ARSJ: variants seen among roughly 807,000 people sequenced by gnomAD.
The protein encoded by ARSJ is arylsulfatase family member J.
Under a neutral mutation model 35.9 loss-of-function variants are expected in ARSJ, and 26 were observed. The ratio of observed to expected loss-of-function variants is 0.72; its 90% CI spans 0.53 to 1.00. The LOEUF is 1.00. Among genes scored for constraint, ARSJ ranks in the 50% least tolerant of loss-of-function variants. The probability of loss-of-function intolerance (pLI) is 0.00; values close to 1 mark genes in which losing one functional copy is unlikely to be tolerated. For synonymous variants in ARSJ, 294 were observed against 267.6 expected, an observed-to-expected ratio of 1.10 and a Z score of -0.96; for missense variants, 667 against 723.6, an observed-to-expected ratio of 0.92 and a Z score of 0.90.
intron 1 of ARSJ, among the ~76,000 whole-genome samples, chr4:113,928,346 TC>T (rs1724212141): frequency 6.6e-6 from 1 of 152,086 alleles, no homozygotes; most frequent in South Asian, 2.1e-4. Flanking sequence ...GGAACTGGCT[TC>T]CCCTTCATTC....
chr4:113,903,777 G>A (rs2099667882), intron 1 of ARSJ, 102 bp from the exon 2 acceptor site: 1 of 1,409,680 alleles, frequency 7.1e-7, no homozygotes, highest in Non-Finnish European at 9.5e-7. Flanking sequence ...GGGCATCATT[G>A]TTAAATTATA....
Position 113,978,803 on chromosome 4 carries a change from G to C in ARSJ, c.32C>G (p.Pro11Arg), listed in dbSNP as rs768603368. The change falls in exon 1 of 2, where the codon CCT becomes CGT. Residue 11 changes from proline (P) to arginine (R), a missense_variant. Physicochemically the swap from Pro to Arg is moderately radical, Grantham distance 103. Transcript: ENST00000315366. MAPRGCAGHP[P>R]PPSPQACVCP... ...GACACAGGCCTGTGGAGAAGGCGGAGGCGGATGCCCCGCACAGCCCCTGGG... is the reference window on the plus strand; with the variant it reads ...GACACAGGCCTGTGGAGAAGGCGGACGCGGATGCCCCGCACAGCCCCTGGG... 14 of 1,612,762 alleles carry C rather than the reference G, an allele frequency of 8.7e-6. No homozygotes were observed. Among genetic ancestry groups the C allele is most frequent in the Non-Finnish European group, 1.2e-5 (14 of 1,179,320 alleles).
intron 1 of ARSJ, among the ~76,000 whole-genome samples, chr4:113,975,485 TA>T (rs34874511): frequency 2.6e-5 from 4 of 152,072 alleles, no homozygotes; most frequent in Non-Finnish European, 4.4e-5. Context: ...TGCAAAACTG[TA>T]AAAAAAGAAG....
At chr4:113,974,325 C>A (rs886168136) in intron 1 of ARSJ, among the ~76,000 whole-genome samples, 16 of 151,492 alleles carry the variant, frequency 1.1e-4, no homozygotes, top group East Asian at 9.7e-4. Context: ...CTAAAAAAAA[C>A]CAAACACACC....
rs1228120572 is a variant in ARSJ, at chr4:113,902,576, C to T, written c.1498G>A (p.Ala500Thr). 2 of 1,614,166 alleles carry T rather than the reference C, an allele frequency of 1.2e-6. No homozygotes were observed. Among genetic ancestry groups the T allele is most frequent in the Non-Finnish European group, 1.7e-6 (2 of 1,180,040 alleles). Residue 500 changes from alanine to threonine, a missense_variant, in exon 2 of 2, where the codon GCC becomes ACC. By Grantham distance (58) the Ala-to-Thr change is moderately conservative. Coordinates refer to ENST00000315366, the MANE Select transcript of ARSJ (RefSeq NM_024590.4). ...GKSVWLFNIT[A>T]DPYERVDLSN... ...AGGTCCACCCTCTCATATGGGTCGG[C>T]TGTGATGTTGAAAAGCCATACACTT... is the stretch of plus-strand genomic sequence containing the variant.
intron 1 of ARSJ, among the ~76,000 whole-genome samples, chr4:113,972,884 T>C (rs1332988943): frequency 6.6e-6 from 1 of 152,204 alleles, no homozygotes; most frequent in Non-Finnish European, 1.5e-5. Flanking sequence ...GTATGGGTGC[T>C]CTCTTAGTTT....
intron 1 of ARSJ, among the ~76,000 whole-genome samples, chr4:113,947,526 G>C (rs149380164): frequency 0.016 from 2,323 of 140,852 alleles, 55 homozygotes; most frequent in African/African-American, 0.055. Context: ...GAGAGAGAGG[G>C]AGGGAGGGAG....
chr4:113,936,640 A>G (rs1305235826), intron 1 of ARSJ, among the ~76,000 whole-genome samples: 1 of 151,932 alleles, frequency 6.6e-6, no homozygotes, highest in Non-Finnish European at 1.5e-5. Flanking sequence ...AAAATATTTT[A>G]AAAGGCAGCA....
At chr4:113,949,630 C>A (rs530645285) in intron 1 of ARSJ, among the ~76,000 whole-genome samples, 1 of 152,068 alleles carries the variant, frequency 6.6e-6, no homozygotes, top group South Asian at 2.1e-4. Context: ...TAAACGTAGA[C>A]AGAGATGATG....
intron 1 of ARSJ, among the ~76,000 whole-genome samples, chr4:113,934,248 T>G (rs1724631295): frequency 6.6e-6 from 1 of 151,800 alleles, no homozygotes; most frequent in Admixed American, 6.6e-5. Context: ...CAAATTCCAC[T>G]GCTGGGTGTA....
Position 113,918,248 on chromosome 4 carries a change from A to T in ARSJ, c.399-14573T>A, listed in dbSNP as rs984948510. ...TTCAACAGAAACAATAACTAGCAAC[A>T]AGAAATCCAGCTATCTTCTATTAGA... is the stretch of plus-strand genomic sequence containing the variant. On this transcript the variant is annotated intron_variant, in intron 1 of 1. Coordinates refer to ENST00000315366, the MANE Select transcript of ARSJ (RefSeq NM_024590.4). Among the ~76,000 whole-genome samples the T allele has an allele frequency of 2.0e-5, 3 of 152,300 alleles. No homozygotes were observed. In the East Asian group the frequency reaches 5.8e-4, roughly 29 times the overall value.
chr4:113,925,416 G>T (rs1002013296), intron 1 of ARSJ, among the ~76,000 whole-genome samples: 1 of 151,990 alleles, frequency 6.6e-6, no homozygotes, highest in African/African-American at 2.4e-5. Context: ...TCCTGACTAT[G>T]GGAGAAACAG....
chr4:113,911,033 C>T (rs938423756), intron 1 of ARSJ, among the ~76,000 whole-genome samples: 5 of 152,182 alleles, frequency 3.3e-5, no homozygotes, highest in Non-Finnish European at 7.4e-5. Context: ...GCAGCTGAAA[C>T]GACTTGGACA....
chr4:113,911,029 G>A (rs1291067219), intron 1 of ARSJ, among the ~76,000 whole-genome samples: 1 of 152,182 alleles, frequency 6.6e-6, no homozygotes, highest in Non-Finnish European at 1.5e-5. Context: ...GCAAGCAGCT[G>A]AAACGACTTG....
intron 1 of ARSJ, among the ~76,000 whole-genome samples, chr4:113,963,487 T>G (rs1342476926): frequency 6.6e-6 from 1 of 152,022 alleles, no homozygotes; most frequent in Non-Finnish European, 1.5e-5. Flanking sequence ...TTGTGAGAAC[T>G]CACTCACTAT....
chr4:113,970,555 T>C (rs1727175388), intron 1 of ARSJ: 4 of 152,340 alleles, frequency 2.6e-5, no homozygotes, highest in Admixed American at 2.6e-4. Context: ...TAAAATTATT[T>C]CTTTTCCTAT....
chr4:113,939,438 G>C (rs1049767529), intron 1 of ARSJ, among the ~76,000 whole-genome samples: 25 of 151,948 alleles, frequency 1.6e-4, no homozygotes, highest in Admixed American at 1.6e-3. Context: ...TAATGGGATG[G>C]CTGGGTCAAA....
chr4:113,924,822 C>T (rs562798554), intron 1 of ARSJ, among the ~76,000 whole-genome samples: 10 of 152,276 alleles, frequency 6.6e-5, no homozygotes, highest in African/African-American at 2.2e-4. Flanking sequence ...TTACAGTCCT[C>T]GTTTCTGCAG....
At chr4:113,971,465 A>C (rs1425677892) in intron 1 of ARSJ, among the ~76,000 whole-genome samples, 3 of 152,160 alleles carry the variant, frequency 2.0e-5, no homozygotes, top group African/African-American at 7.2e-5. Flanking sequence ...ATGGACTTTG[A>C]GCTTAAGAGT....
Sources: gnomAD v4.1 joint callset for allele counts (sites outside exome capture counted in the v4.1 genomes callset) on GRCh38, gnomAD v4.1.1 for gene constraint, MANE v1.5 for transcripts, NCBI Gene and HGNC (gene_info 2026-07-23, HGNC 2026-07-21) for gene names.